PDE1C: variants seen among roughly 807,000 people sequenced by gnomAD.
PDE1C encodes phosphodiesterase 1C.
In PDE1C, 62 loss-of-function variants were observed where a neutral mutation model predicts 93.1. The observed-to-expected ratio is 0.67, with a 90% CI of 0.54 to 0.82. The LOEUF (loss-of-function observed/expected upper bound fraction) is 0.82, where lower values mean the gene tolerates loss of function less well. Ranked by LOEUF, PDE1C falls within the 40% of genes least tolerant of loss-of-function variation. The probability of loss-of-function intolerance (pLI) is 0.00; values close to 1 mark genes in which losing one functional copy is unlikely to be tolerated. For missense variants in PDE1C, 742 were observed against 884.6 expected (o/e 0.84, Z 2.04); for synonymous variants, 325 against 310.1 (o/e 1.05, Z -0.50).
At chr7:32,426,865 G>A (rs1030189012) in intron 1 of PDE1C, among the ~76,000 whole-genome samples, 2 of 152,126 alleles carry the variant, frequency 1.3e-5, no homozygotes, top group African/African-American at 4.8e-5. Context: ...TTAATCTACT[G>A]AATCCTTCTT....
chr7:31,848,031 T>C lies in PDE1C; in HGVS notation c.917A>G (p.Tyr306Cys). The change falls in exon 9 of 18, where the codon TAT (tyrosine) becomes TGT (cysteine). Residue 306 changes from tyrosine to cysteine, a missense_variant. By Grantham distance (194) the Tyr-to-Cys change is radical. This residue lies in a region of PDE1C where 205 missense variants were observed against 295.3 expected (regional missense o/e 0.69). Coordinates refer to ENST00000396191, the MANE Select transcript of PDE1C (RefSeq NM_001191057.4). ...VLENHHLSAA[Y>C]RLLQDDEEMN... ...TTCCTCGTCATCTTGCAGAAGGCGA[T>C]AAGCTGCACTTAAATGGTGATTCTC... The C allele has an allele frequency of 6.2e-7, 1 of 1,612,974 alleles. No individual in the cohort carries two copies. The highest frequency in any genetic ancestry group is 8.5e-7 in the Non-Finnish European group (1 of 1,179,290).
chr7:32,043,439 A>G (rs1049218468), intron 2 of PDE1C, among the ~76,000 whole-genome samples: 1 of 152,226 alleles, frequency 6.6e-6, no homozygotes, highest in African/African-American at 2.4e-5. Flanking sequence ...ATGCCTGGGC[A>G]TAAGTGCTAT....
chr7:32,042,037 T>C (rs1010094345), intron 2 of PDE1C, among the ~76,000 whole-genome samples: 3 of 152,194 alleles, frequency 2.0e-5, no homozygotes, highest in Non-Finnish European at 2.9e-5. Flanking sequence ...CAGTGGCTCA[T>C]GCCTATGATC....
At chr7:32,376,340 T>A (rs865894075) in intron 1 of PDE1C, among the ~76,000 whole-genome samples, 1 of 152,224 alleles carries the variant, frequency 6.6e-6, no homozygotes, top group African/African-American at 2.4e-5. Flanking sequence ...CTTGGGAGGA[T>A]CATATTAATT....
intron 2 of PDE1C, among the ~76,000 whole-genome samples, chr7:32,007,510 T>C (rs1199055355): frequency 1.3e-5 from 2 of 152,208 alleles, no homozygotes; most frequent in African/African-American, 4.8e-5. Context: ...TTATTATTTT[T>C]TAAAATATCA....
intron 1 of PDE1C, among the ~76,000 whole-genome samples, chr7:32,377,510 T>C (rs1294915468): frequency 6.6e-6 from 1 of 152,180 alleles, no homozygotes; most frequent in African/African-American, 2.4e-5. Flanking sequence ...TATAGTTGCT[T>C]TGTCTTGCCA....
intron 2 of PDE1C, among the ~76,000 whole-genome samples, chr7:31,904,692 C>A (rs1288114750): frequency 6.6e-6 from 1 of 151,914 alleles, no homozygotes; most frequent in Non-Finnish European, 1.5e-5. Context: ...TATTAAAACT[C>A]CCATCTCAAT....
chr7:32,051,007 C>G (rs1374065386), intron 2 of PDE1C, among the ~76,000 whole-genome samples: 3 of 152,144 alleles, frequency 2.0e-5, no homozygotes, highest in African/African-American at 4.8e-5. Flanking sequence ...GAGTGCAAAG[C>G]ACAGCCCAGA....
chr7:31,709,027 T>C, the PDE1C span, among the ~76,000 whole-genome samples: 121 of 152,280 alleles, frequency 7.9e-4, no homozygotes, highest in Non-Finnish European at 1.4e-3. Flanking sequence ...TACAGGTCTA[T>C]GGATAAGAGG....
At chr7:31,707,099 A>T in the PDE1C span, 1 of 986,688 alleles carries the variant, frequency 1.0e-6, no homozygotes, top group African/African-American at 1.6e-5. Flanking sequence ...GTAGACACTA[A>T]GAGGTTTCTG....
chr7:32,319,001 G>A (rs1311739171), intron 1 of PDE1C, among the ~76,000 whole-genome samples: 1 of 152,198 alleles, frequency 6.6e-6, no homozygotes, highest in Non-Finnish European at 1.5e-5. Flanking sequence ...AACCGGTGGT[G>A]ATTGTCACGT....
chr7:31,885,124 C>A (rs1342251121), intron 2 of PDE1C, among the ~76,000 whole-genome samples: 1 of 152,070 alleles, frequency 6.6e-6, no homozygotes, highest in South Asian at 2.1e-4. Flanking sequence ...TGTTTTAATA[C>A]TACCCAGGGG....
chr7:32,168,628 G>A (rs1378390890), intron 3 of PDE1C, among the ~76,000 whole-genome samples: 2 of 152,130 alleles, frequency 1.3e-5, no homozygotes, highest in Admixed American at 1.3e-4. Flanking sequence ...TCAGGTGAGT[G>A]GGTTTTATTT....
intron 2 of PDE1C, among the ~76,000 whole-genome samples, chr7:31,919,615 G>A (rs1802361553): frequency 6.6e-6 from 1 of 151,986 alleles, no homozygotes; most frequent in South Asian, 2.1e-4. Context: ...TTAAAAAAAC[G>A]AGGGCAAACC....
intron 2 of PDE1C, among the ~76,000 whole-genome samples, chr7:32,037,526 C>A (rs1392906125): frequency 6.6e-6 from 1 of 152,072 alleles, no homozygotes; most frequent in Non-Finnish European, 1.5e-5. Context: ...ACACCCATAC[C>A]ACCTTTCCAC....
chr7:31,670,223 A>G, the PDE1C span, among the ~76,000 whole-genome samples: 9 of 152,144 alleles, frequency 5.9e-5, no homozygotes, highest in African/African-American at 2.2e-4. Context: ...GCCAGTTGAG[A>G]ATCCCTCATG....
chr7:32,126,977 T>C (rs368971154), intron 3 of PDE1C, among the ~76,000 whole-genome samples: 4 of 152,096 alleles, frequency 2.6e-5, no homozygotes, highest in African/African-American at 9.7e-5. Flanking sequence ...CTGGATAAGA[T>C]TAACATTTGA....
At chr7:32,213,299 C>T (rs1194601916) in intron 1 of PDE1C, among the ~76,000 whole-genome samples, 2 of 152,130 alleles carry the variant, frequency 1.3e-5, no homozygotes, top group South Asian at 2.1e-4. Flanking sequence ...ACAAGGCCCC[C>T]GTCCCACATG....
At chr7:31,794,089 C>T (rs28533578) in intron 16 of PDE1C, among the ~76,000 whole-genome samples, 42,025 of 132,278 alleles carry the variant, frequency 0.32, 6,880 homozygotes, top group South Asian at 0.45. Context: ...GACAGACAGA[C>T]AGATAGATAG....
Sources: allele counts gnomAD v4.1 joint callset (sites outside exome capture counted in the v4.1 genomes callset), GRCh38; gene constraint gnomAD v4.1.1; regional missense constraint gnomAD v4.1.1; transcripts MANE v1.5; gene names NCBI Gene and HGNC (gene_info 2026-07-23, HGNC 2026-07-21).